GAK: variants seen among roughly 807,000 people sequenced by gnomAD.
The protein encoded by GAK is cyclin G associated kinase, also known as cyclin-G-associated kinase.
In GAK, 79 loss-of-function variants were observed where a neutral mutation model predicts 143.9. The observed-to-expected ratio is 0.55, with a 90% confidence interval of 0.46 to 0.66. The LOEUF is 0.66. GAK is among the 30% of genes least tolerant of loss of function. The pLI, the probability that GAK is intolerant of heterozygous loss-of-function variation, is 0.00. For synonymous variants in GAK, 881 were observed against 765.5 expected (o/e 1.15, Z -2.49); for missense variants, 1,693 against 1,779.7 (o/e 0.95, Z 0.88).
At chr4:856,615 G>GTGCTCACAGC (rs1749316845) in intron 24 of GAK, among the ~76,000 whole-genome samples, 4 of 109,802 alleles carry the variant, frequency 3.6e-5, no homozygotes, top group East Asian at 5.9e-4. Context: ...CTCACCACAG[G>GTGCTCACAGC]TGCTCACACC....
chr4:930,698 G>A (rs879831149), intron 1 of GAK, among the ~76,000 whole-genome samples: 10 of 151,992 alleles, frequency 6.6e-5, no homozygotes, highest in Non-Finnish European at 1.0e-4. Context: ...TGATCTGAGA[G>A]AAATCTTCCA....
At chr4:865,355 A>G (rs892833200) in intron 22 of GAK, 111 bp from the exon 23 acceptor site, 3 of 1,385,212 alleles carry the variant, frequency 2.2e-6, no homozygotes, top group Admixed American at 3.9e-5. Flanking sequence ...TCTTGCACCC[A>G]GGCTGAGCTG....
At chr4:854,827 C>A (rs184725712) in intron 24 of GAK, among the ~76,000 whole-genome samples, 8 of 152,118 alleles carry the variant, frequency 5.3e-5, no homozygotes, top group African/African-American at 1.9e-4. Flanking sequence ...GGGCGGATCA[C>A]GAGGTCAGGA....
chr4:849,599 T>A lies in GAK; in HGVS notation c.*74A>T. ...ACACCTGCTGTCGCCCACGGGGTCC[T>A]CACGGTGGGGACCCAGGTCCCACGA... is the stretch of plus-strand genomic sequence containing the variant. On this transcript the variant is annotated 3_prime_UTR_variant, in exon 28 of 28. Transcript: ENST00000314167. 1.6e-6 allele frequency: 2 copies of A among 1,232,520 alleles called. No individual in the cohort carries two copies. Among genetic ancestry groups the A allele is most frequent in the Non-Finnish European group, 2.3e-6 (2 of 853,344 alleles). 76.3% of individuals were successfully genotyped at this position (1,232,520 alleles called of 1,614,324 possible). A position where few individuals can be genotyped will look rare whatever the true frequency, so the allele number is the denominator to read the frequency against.
In GAK at chr4:898,117, C is replaced by T. The variant is rs756565952; in HGVS notation, c.567G>A (p.Leu189=). Residue 189 remains leucine (L), a synonymous_variant, in exon 6 of 28, where the codon CTG becomes CTA. Transcript: ENST00000314167. ...TGGTCGTGGCACTGCCAAAGTCACA[C>T]AGCTTAATGGTCCCTTGGTTACTAA... ...LLLSNQGTIK[L]CDFGSATTIS... 5 of 1,614,218 alleles carry T rather than the reference C, an allele frequency of 3.1e-6. No homozygotes were observed. Among genetic ancestry groups the T allele is most frequent in the South Asian group, 1.1e-5 (1 of 91,086 alleles).
In GAK at chr4:866,537, G is replaced by GT; in HGVS notation, c.2873-4dup. 1 of 1,612,948 alleles carries GT rather than the reference G, an allele frequency of 6.2e-7. No individual in the cohort carries two copies. The highest frequency in any genetic ancestry group is 8.5e-7 in the Non-Finnish European group (1 of 1,179,674). ...CAGAAGCGGGCCAAAGGGGTCAGCTGTGGGGACAGGCGGGCATGGGGAGGA... is the reference window on the plus strand; with the variant it reads ...CAGAAGCGGGCCAAAGGGGTCAGCTGTTGGGGACAGGCGGGCATGGGGAGGA... On this transcript the variant is annotated splice_polypyrimidine_tract_variant and splice_region_variant and intron_variant, in intron 21 of 27. Coordinates refer to ENST00000314167, the MANE Select transcript of GAK (RefSeq NM_005255.4).
chr4:868,393 G>C, intron 20 of GAK, 146 bp downstream of exon 20: 1 of 679,006 alleles, frequency 1.5e-6, no homozygotes, highest in South Asian at 2.0e-5. Flanking sequence ...TAAAGAACAG[G>C]CTGACATGCC....
chr4:920,030 G>A (rs1227758933), intron 1 of GAK, among the ~76,000 whole-genome samples: 1 of 152,082 alleles, frequency 6.6e-6, no homozygotes, highest in Non-Finnish European at 1.5e-5. Context: ...AACAAAAACA[G>A]GGTGGGTGCA....
chr4:925,962 G>T (rs6842215), intron 1 of GAK, among the ~76,000 whole-genome samples: 1 of 151,486 alleles, frequency 6.6e-6, no homozygotes, highest in South Asian at 2.1e-4. Context: ...GGAGGAAAGG[G>T]GAGTGGCCCA....
intron 18 of GAK, 141 bp downstream of exon 18, chr4:876,379 TCCAGGATGGC>T: frequency 1.5e-6 from 1 of 671,412 alleles, no homozygotes; most frequent in Non-Finnish European, 2.7e-6. Flanking sequence ...CACGCGCAGC[TCCAGGATGGC>T]CCAGGAACAG....
chr4:917,302 A>G (rs771105315), intron 1 of GAK, among the ~76,000 whole-genome samples: 16 of 152,036 alleles, frequency 1.1e-4, no homozygotes, highest in Non-Finnish European at 2.2e-4. Flanking sequence ...ATGCAAATGA[A>G]TCTATAGTAA....
At chr4:860,917 C>A (rs1333445077) in intron 23 of GAK, among the ~76,000 whole-genome samples, 1 of 152,256 alleles carries the variant, frequency 6.6e-6, no homozygotes, top group African/African-American at 2.4e-5. Flanking sequence ...ATTTTCCGCA[C>A]GCCATGTGCA....
intron 3 of GAK, chr4:912,059 G>A (rs567542782): frequency 3.9e-5 from 19 of 484,040 alleles, no homozygotes; most frequent in South Asian, 6.2e-5. Context: ...AGTCCATCCC[G>A]CGCGTGGCAG....
At chr4:863,215 C>T (rs1001848924) in intron 23 of GAK, among the ~76,000 whole-genome samples, 2 of 152,330 alleles carry the variant, frequency 1.3e-5, no homozygotes, top group South Asian at 2.1e-4. Flanking sequence ...GTGGTGGAAA[C>T]AGCAAGAGAA....
At chr4:883,207 G>A in intron 13 of GAK, 108 bp downstream of exon 13, 1 of 1,341,900 alleles carries the variant, frequency 7.5e-7, no homozygotes. Context: ...GAGACCTCCG[G>A]CCGCCCCCAT....
intron 24 of GAK, chr4:859,264 T>C (rs568079367): frequency 9.7e-6 from 12 of 1,237,544 alleles, no homozygotes; most frequent in Non-Finnish European, 2.1e-6. Flanking sequence ...GAGCACAGCC[T>C]CGGGGACTGA....
intron 10 of GAK, among the ~76,000 whole-genome samples, chr4:889,575 C>T (rs1717247047): frequency 6.6e-6 from 1 of 152,216 alleles, no homozygotes; most frequent in Non-Finnish European, 1.5e-5. Context: ...AGCAGAGACC[C>T]AGCCAGCCAC....
Position 932,150 on chromosome 4 carries a change from C to G in GAK, c.38G>C (p.Gly13Ala), listed in dbSNP as rs918492224. ...LLQSALDFLA[G>A]PGSLGGASGR... ...GGAAGCACCGCCCAGGGAGCCTGGA[C>G]CCGCCAAGAAGTCGAGCGCCGACTG... The change falls in exon 1 of 28, where the codon GGT (glycine) becomes GCT (alanine). Residue 13 changes from glycine (G) to alanine (A), a missense_variant. Physicochemically the swap from Gly to Ala is moderately conservative, Grantham distance 60 (BLOSUM62 0). Transcript: ENST00000314167. The surrounding 1 kb of genome is among the most constrained non-coding windows in gnomAD (Gnocchi z 4.0). 2 of 1,584,022 alleles carry G rather than the reference C, an allele frequency of 1.3e-6. No homozygotes were observed. The highest frequency in any genetic ancestry group is 2.3e-5 in the East Asian group (1 of 42,818).
chr4:903,705 C>T (rs1288186832), intron 5 of GAK, among the ~76,000 whole-genome samples: 1 of 90,174 alleles, frequency 1.1e-5, no homozygotes, highest in South Asian at 3.5e-4. Flanking sequence ...CACCGGGGGG[C>T]GGTGGGGGGG....
Sources: allele counts gnomAD v4.1 joint callset (sites outside exome capture counted in the v4.1 genomes callset), GRCh38; gene constraint gnomAD v4.1.1; non-coding constraint Gnocchi (gnomAD v3.1); transcripts MANE v1.5; gene names NCBI Gene and HGNC (gene_info 2026-07-23, HGNC 2026-07-21).